Variants in TRIM27 observed in about 807,000 individuals in gnomAD.
TRIM27 encodes tripartite motif containing 27, also known as zinc finger protein RFP.
In TRIM27, 12 loss-of-function variants were observed where a neutral mutation model predicts 57.6. The observed-to-expected ratio is 0.21, with a 90% CI of 0.13 to 0.34. TRIM27 has a LOEUF of 0.34. Among genes scored for constraint, TRIM27 ranks in the 10% least tolerant of loss-of-function variants. TRIM27 has a pLI of 1.00. For synonymous variants in TRIM27, 266 were observed against 259.0 expected, an observed-to-expected ratio of 1.03 and a Z score of -0.26; for missense variants, 403 against 656.8, an observed-to-expected ratio of 0.61 and a Z score of 4.22.
chr6:28,917,149 A>T (rs1183544726), intron 3 of TRIM27, among the ~76,000 whole-genome samples: 2 of 152,056 alleles, frequency 1.3e-5, no homozygotes, highest in Admixed American at 1.3e-4. Context: ...TCAAACAACA[A>T]CAATAAAAAC....
intron 6 of TRIM27, chr6:28,908,121 A>G (rs1341252143): frequency 6.2e-6 from 1 of 161,366 alleles, no homozygotes; most frequent in African/African-American, 2.4e-5. Context: ...CGTGAGCAGA[A>G]AAATTTTAAT....
intron 1 of TRIM27, 64 bp downstream of exon 1, chr6:28,923,149 C>A (rs952456947): frequency 2.2e-5 from 32 of 1,451,574 alleles, no homozygotes; most frequent in Admixed American, 2.6e-5. Context: ...AAAAGGAAGC[C>A]CCTTTGGCTC....
chr6:28,920,130 G>C lies in TRIM27; in HGVS notation c.629C>G (p.Ala210Gly). The C allele has an allele frequency of 6.2e-7, 1 of 1,614,200 alleles. No individual in the cohort carries two copies. Among genetic ancestry groups the C allele is most frequent in the Non-Finnish European group, 8.5e-7 (1 of 1,180,028 alleles). ...LLARLEELDL[A>G]IYNSINGAIT... ...GGCACCATTGATGCTATTGTAGATG[G>C]CCAAGTCTAGCTCCTCAAGGCGGGC... Residue 210 changes from alanine (A) to glycine (G), a missense_variant, in exon 3 of 8, where the codon GCC becomes GGC. Transcript: ENST00000377199.
In TRIM27 at chr6:28,914,047, A is replaced by T. The variant is rs1372336090; in HGVS notation, c.748-2329T>A. On this transcript the variant is annotated intron_variant, in intron 3 of 7. Transcript: ENST00000377199. ...TGTTTTTTTTTTTTTTTTAAGACAG[A>T]GTCTTGCTCTGTTACCCAGGCTGGA... Among the ~76,000 whole-genome samples, 5 of 142,200 alleles carry T rather than the reference A, an allele frequency of 3.5e-5. No homozygotes were observed. The Admixed American group carries it at 3.6e-4, about 10-fold the overall frequency. The allele number at this position is 142,200 out of a possible 152,430, so 93.3% of individuals were successfully genotyped here. A position where few individuals can be genotyped will look rare whatever the true frequency, so the allele number is the denominator to read the frequency against.
At chr6:28,914,595 T>TGGG (rs1773469669) in intron 3 of TRIM27, among the ~76,000 whole-genome samples, 13 of 35,694 alleles carry the variant, frequency 3.6e-4, no homozygotes, top group African/African-American at 5.3e-4. Context: ...GGGGGGGGGA[T>TGGG]GAGGGATAAC....
At chr6:28,914,964 A>C (rs1048455534) in intron 3 of TRIM27, 1 of 152,050 alleles carries the variant, frequency 6.6e-6, no homozygotes, top group African/African-American at 2.4e-5. Flanking sequence ...TGGCATATGA[A>C]GGCTGCTGAT....
intron 2 of TRIM27, among the ~76,000 whole-genome samples, 174 bp from the exon 3 acceptor site, chr6:28,920,416 T>C (rs1773934088): frequency 1.3e-5 from 2 of 152,146 alleles, no homozygotes; most frequent in African/African-American, 4.8e-5. Flanking sequence ...GGAACTGAAT[T>C]ACCCCAGTGA....
chr6:28,908,675 A>C, intron 6 of TRIM27, 133 bp downstream of exon 6: 1 of 751,564 alleles, frequency 1.3e-6, no homozygotes, highest in Non-Finnish European at 2.2e-6. Flanking sequence ...ATTAAGACCA[A>C]AGGGAAGATG....
intron 2 of TRIM27, among the ~76,000 whole-genome samples, chr6:28,920,926 C>T (rs115229679): frequency 2.6e-4 from 39 of 152,298 alleles, no homozygotes; most frequent in African/African-American, 7.9e-4. Flanking sequence ...CTGTCCTTCA[C>T]GGGTGTTCAC....
chr6:28,912,072 C>T (rs1006041916), intron 3 of TRIM27, among the ~76,000 whole-genome samples: 5 of 151,198 alleles, frequency 3.3e-5, no homozygotes, highest in South Asian at 2.1e-4. Flanking sequence ...TTCAAATACA[C>T]GGAAAAGCTG....
chr6:28,914,199 G>A (rs1193307423), intron 3 of TRIM27, among the ~76,000 whole-genome samples: 1 of 148,068 alleles, frequency 6.8e-6, no homozygotes, highest in African/African-American at 2.5e-5. Flanking sequence ...GAAATGGTGC[G>A]ATCTCAGCTC....
chr6:28,920,059 C>T lies in TRIM27; in HGVS notation c.700G>A (p.Ala234Thr), dbSNP rs775442042. Residue 234 changes from alanine to threonine, a missense_variant, in exon 3 of 8, where the codon GCT (alanine) becomes ACT (threonine). By Grantham distance (58) the Ala-to-Thr change is moderately conservative (BLOSUM62 0). Transcript: ENST00000377199. ...TGCTGCTGCTTCTCTTCTAGCTGAG[C>T]GATCAGGCTGCTGAGGTGGGAGATG... is the stretch of plus-strand genomic sequence containing the variant. The part of the protein sequence containing the change: ...CNISHLSSLI[A>T]QLEEKQQQPT... 2.7e-5 allele frequency: 43 copies of T among 1,613,906 alleles called. No individual in the cohort carries two copies. The highest frequency in any genetic ancestry group is 3.5e-5 in the Non-Finnish European group (41 of 1,180,000).
In TRIM27 at chr6:28,920,245, A is replaced by G; in HGVS notation, c.517-3T>C. The G allele has an allele frequency of 2.5e-6, 4 of 1,588,806 alleles. No individual in the cohort carries two copies. Among genetic ancestry groups the G allele is most frequent in the Non-Finnish European group, 3.4e-6 (4 of 1,164,416 alleles). The stretch of plus-strand genomic sequence containing the variant: ...TCCCTCTCCATCTGGGTTAGGCTCT[A>G]TGCAGACGACAGGGAAAGGCAGTAA... On this transcript the variant is annotated splice_polypyrimidine_tract_variant and splice_region_variant and intron_variant, in intron 2 of 7. Transcript: ENST00000377199.
chr6:28,920,259 GAAAGGCAGT>G lies in TRIM27; in HGVS notation c.517-26_517-18del. The G allele has an allele frequency of 6.4e-7, 1 of 1,566,094 alleles. No individual in the cohort carries two copies. Among genetic ancestry groups the G allele is most frequent in the Non-Finnish European group, 8.7e-7 (1 of 1,153,074 alleles). On this transcript the variant is annotated intron_variant, in intron 2 of 7. Transcript: ENST00000377199. Reference sequence around the variant, plus strand: ...GGTTAGGCTCTATGCAGACGACAGGGAAAGGCAGTAAAGAGAAAAACGGCTCATTTCTAG... The same window carrying G: ...GGTTAGGCTCTATGCAGACGACAGGGAAAGAGAAAAACGGCTCATTTCTAG...
chr6:28,910,666 A>C (rs1475191240), intron 4 of TRIM27, among the ~76,000 whole-genome samples: 2 of 152,310 alleles, frequency 1.3e-5, no homozygotes, highest in East Asian at 3.9e-4. Context: ...CCTTAAGCCA[A>C]TAAAATTTTG....
chr6:28,906,192 C>G (rs1772755049), intron 7 of TRIM27: 1 of 151,390 alleles, frequency 6.6e-6, no homozygotes, highest in Non-Finnish European at 1.5e-5. Flanking sequence ...AACAGAGAAC[C>G]TGCCTCTAAA....
chr6:28,903,430 T>C lies in TRIM27; in HGVS notation c.*640A>G. The C allele has an allele frequency of 8.6e-6, 2 of 233,404 alleles. No homozygotes were observed. The highest frequency in any genetic ancestry group is 1.7e-5 in the Non-Finnish European group (2 of 118,168). 14.5% of individuals were successfully genotyped at this position (233,404 alleles called of 1,614,324 possible). ...GAACAGACAAAGCCCTCAGAAAAGA[T>C]ACAAAGGCAGAGACATTGATTAGAA... On this transcript the variant is annotated 3_prime_UTR_variant, in exon 8 of 8. Transcript: ENST00000377199.
At chr6:28,910,123 G>GAAAAAAAAAAAAAAAAAAAAACA (rs1773080949) in intron 4 of TRIM27, among the ~76,000 whole-genome samples, 1 of 97,620 alleles carries the variant, frequency 1.0e-5, no homozygotes, top group Non-Finnish European at 2.2e-5. Flanking sequence ...AAAGAAAAAT[G>GAAAAAAAAAAAAAAAAAAAAACA]AAAAAAAAAA....
intron 3 of TRIM27, among the ~76,000 whole-genome samples, chr6:28,919,390 AG>A (rs1773858214): frequency 6.6e-6 from 1 of 152,222 alleles, no homozygotes; most frequent in Non-Finnish European, 1.5e-5. Context: ...AATTCAGGAA[AG>A]CTTATTTGGC....
Sources: gnomAD v4.1 joint callset for allele counts (sites outside exome capture counted in the v4.1 genomes callset) on GRCh38, gnomAD v4.1.1 for gene constraint, MANE v1.5 for transcripts, NCBI Gene and HGNC (gene_info 2026-07-23, HGNC 2026-07-21) for gene names.